ANO9: variants seen among roughly 807,000 people sequenced by gnomAD.
The protein encoded by ANO9 is anoctamin 9, also known as anoctamin-9.
ANO9 carries 80 observed loss-of-function variants against 100.5 expected under a neutral mutation model. The ratio of observed to expected loss-of-function variants is 0.80; its 90% confidence interval spans 0.66 to 0.96. The LOEUF (loss-of-function observed/expected upper bound fraction) is 0.96. ANO9 is among the 40% of genes least tolerant of loss of function. ANO9 has a pLI of 0.00. For missense variants in ANO9, 1,064 were observed against 1,072.7 expected (o/e 0.99, Z 0.11); for synonymous variants, 473 against 435.6 (o/e 1.09, Z -1.07).
chr11:422,472 G>A lies in ANO9; in HGVS notation c.1335-1274C>T, dbSNP rs1590422147. Reference sequence around the variant, plus strand: ...CTGGGTTTTTCTGGTGTAATCACAAGGGTCCCTCTGTGGGGACAGGGAGCA... The same window carrying A: ...CTGGGTTTTTCTGGTGTAATCACAAAGGTCCCTCTGTGGGGACAGGGAGCA... On this transcript the variant is annotated intron_variant, in intron 15 of 22. Coordinates refer to ENST00000332826, the MANE Select transcript of ANO9 (RefSeq NM_001012302.3). The surrounding 1 kb of genome is among the most constrained non-coding windows in gnomAD (Gnocchi z 4.3). 6.6e-6 allele frequency among the ~76,000 whole-genome samples: 1 copy of A among 152,326 alleles called. No homozygotes were observed. Among genetic ancestry groups the A allele is most frequent in the Admixed American group, 6.5e-5 (1 of 15,300 alleles).
In ANO9 at chr11:428,202, G is replaced by A; in HGVS notation, c.1223-3C>T. The A allele has an allele frequency of 6.2e-7, 1 of 1,612,088 alleles. No individual in the cohort carries two copies. The highest frequency in any genetic ancestry group is 8.5e-7 in the Non-Finnish European group (1 of 1,179,606). On this transcript the variant is annotated splice_polypyrimidine_tract_variant and splice_region_variant and intron_variant, in intron 14 of 22. Coordinates refer to ENST00000332826, the MANE Select transcript of ANO9 (RefSeq NM_001012302.3). ...CTCCGAGAAGGTCCTGGGCATCTCT[G>A]GAATGGGACCGGCCCTCACCTCTCT...
intron 17 of ANO9, 24 bp from the exon 18 acceptor site, chr11:420,884 G>A (rs1590413683): frequency 6.3e-7 from 1 of 1,589,872 alleles, no homozygotes; most frequent in Non-Finnish European, 8.5e-7. Context: ...TGCGTGGCAG[G>A]GAGGGCGCAG....
Position 429,620 on chromosome 11 carries a change from G to T in ANO9, c.865C>A (p.Arg289Ser). The T allele has an allele frequency of 6.2e-7, 1 of 1,612,544 alleles. No homozygotes were observed. The highest frequency in any genetic ancestry group is 2.2e-5 in the East Asian group (1 of 44,870). ...TVFLEIWKRQRARVVLHWDLY... is the reference protein window; with the variant it reads ...TVFLEIWKRQSARVVLHWDLY... ...TCCCAGTGCAGGACCACGCGGGCGCGCTGCCGCTTCCAGATCTCCAGGAAC... is the reference window on the plus strand; with the variant it reads ...TCCCAGTGCAGGACCACGCGGGCGCTCTGCCGCTTCCAGATCTCCAGGAAC... Residue 289 changes from arginine to serine, a missense_variant, in exon 11 of 23, where the codon CGC becomes AGC. Transcript: ENST00000332826.
Position 431,974 on chromosome 11 carries a change from G to C in ANO9, c.406+25C>G, listed in dbSNP as rs1279192819. 3 of 1,612,836 alleles carry C rather than the reference G, an allele frequency of 1.9e-6. No homozygotes were observed. The East Asian group carries it at 6.7e-5, about 36-fold the overall frequency. On this transcript the variant is annotated intron_variant, in intron 5 of 22. Transcript: ENST00000332826. The stretch of plus-strand genomic sequence containing the variant: ...GGAGAACCCTGCCCGCAGCGCCCCT[G>C]TCAGTGCCCCACCCCTGCCCTTACC...
chr11:422,467 C>T lies in ANO9; in HGVS notation c.1335-1269G>A, dbSNP rs1474894181. Among the ~76,000 whole-genome samples, 1 of 152,180 alleles carries T rather than the reference C, an allele frequency of 6.6e-6. No individual in the cohort carries two copies. Among genetic ancestry groups the T allele is most frequent in the Non-Finnish European group, 1.5e-5 (1 of 68,036 alleles). ...GTTATCTGGGTTTTTCTGGTGTAAT[C>T]ACAAGGGTCCCTCTGTGGGGACAGG... On this transcript the variant is annotated intron_variant, in intron 15 of 22. Transcript: ENST00000332826. The surrounding 1 kb of genome is among the most constrained non-coding windows in gnomAD (Gnocchi z 4.3).
Position 421,956 on chromosome 11 carries a change from GA to G in ANO9, c.1335-759del, listed in dbSNP as rs577634471. ...AGTATAAATAGTATACATTTGCAAA[GA>G]AAAAAATGACTCTTTTAGAAAACAT... On this transcript the variant is annotated intron_variant, in intron 15 of 22. Coordinates refer to ENST00000332826, the MANE Select transcript of ANO9 (RefSeq NM_001012302.3). This position sits in a 1 kb window ranked among gnomAD's most constrained non-coding sequence, Gnocchi z 6.8. Among the ~76,000 whole-genome samples the G allele has an allele frequency of 8.1e-3, 1,228 of 152,122 alleles. 7 individuals carry two copies. Among genetic ancestry groups the G allele is most frequent in the Middle Eastern group, 0.02 (6 of 294 alleles).
rs762913855 is a variant in ANO9, at chr11:433,367, C to A, written c.297G>T (p.Gly99=). Residue 99 remains glycine, a synonymous_variant, in exon 4 of 23, where the codon GGG becomes GGT. Coordinates refer to ENST00000332826, the MANE Select transcript of ANO9 (RefSeq NM_001012302.3). ...CGGCCAGCTCGGCGTGGGGGGCAGG[C>A]CCCTCAGGCTCCAGGAGGAGAGTGC... ...LYRTLLLEPE[G]PAPHAELAAP... 2.5e-6 allele frequency: 4 copies of A among 1,613,082 alleles called. No homozygotes were observed. Among genetic ancestry groups the A allele is most frequent in the East Asian group, 2.2e-5 (1 of 44,882 alleles).
intron 1 of ANO9, among the ~76,000 whole-genome samples, chr11:439,022 C>G (rs1845619528): frequency 1.3e-5 from 2 of 152,182 alleles, no homozygotes; most frequent in African/African-American, 4.8e-5. Context: ...CGGCCAGGCC[C>G]TAGCTCTGAC....
In ANO9 at chr11:433,398, AGGCCAAAG is replaced by A. The variant is rs754778498; in HGVS notation, c.258_265del (p.Phe87ValfsTer9). ...AGGCTCCAGGAGGAGAGTGCGGTAC[AGGCCAAAG>A]ACACTGTTGTCAGCACGGATCCCAA... On this transcript the variant is annotated frameshift_variant, in exon 4 of 23. Transcript: ENST00000332826. LOFTEE classifies it high-confidence loss of function. 8.1e-6 allele frequency: 13 copies of A among 1,613,218 alleles called. No individual in the cohort carries two copies. The East Asian group carries it at 2.7e-4, about 33-fold the overall frequency.
intron 15 of ANO9, among the ~76,000 whole-genome samples, chr11:426,035 C>T (rs1317217489): frequency 3.3e-5 from 5 of 152,174 alleles, no homozygotes; most frequent in Non-Finnish European, 7.4e-5. Flanking sequence ...CCCAGCCCCT[C>T]ACCAGTAGTT....
At chr11:433,736 C>T in intron 3 of ANO9, 79 bp downstream of exon 3, 1 of 1,497,960 alleles carries the variant, frequency 6.7e-7, no homozygotes, top group East Asian at 2.5e-5. Flanking sequence ...TGGGCACCCG[C>T]CCCAGCCCCA....
At position 418,286 on chromosome 11, in the gene ANO9, C is replaced by T. The variant is rs1270784758; in HGVS notation, c.*85G>A. The T allele has an allele frequency of 1.5e-6, 2 of 1,358,992 alleles. No homozygotes were observed. Among genetic ancestry groups the T allele is most frequent in the African/African-American group, 1.5e-5 (1 of 68,250 alleles). 84.2% of individuals were successfully genotyped at this position (1,358,992 alleles called of 1,614,324 possible). ...TGGGCACAGCCTTCTCACAGCACCC[C>T]TCAACACGCACAGCGGTGGGCTTGT... On this transcript the variant is annotated 3_prime_UTR_variant, in exon 23 of 23. Coordinates refer to ENST00000332826, the MANE Select transcript of ANO9 (RefSeq NM_001012302.3).
chr11:425,275 A>ACC (rs374702050), intron 15 of ANO9, among the ~76,000 whole-genome samples: 1,802 of 8,618 alleles, frequency 0.21, 349 homozygotes, highest in East Asian at 0.98. Context: ...GGCGGCGTGG[A>ACC]GAGACGGGAC....
Position 418,359 on chromosome 11 carries a change from C to T in ANO9, c.*12G>A, listed in dbSNP as rs548562776. The T allele has an allele frequency of 1.2e-5, 19 of 1,584,032 alleles. No homozygotes were observed. The highest frequency in any genetic ancestry group is 1.9e-4 in the Middle Eastern group (1 of 5,246). Reference sequence around the variant, plus strand: ...GTCTCAGCTCCTGGTGGCCTCTGGACGGGCTCTGGCCCTACACGTCTGTGC... The same window carrying T: ...GTCTCAGCTCCTGGTGGCCTCTGGATGGGCTCTGGCCCTACACGTCTGTGC... On this transcript the variant is annotated 3_prime_UTR_variant, in exon 23 of 23. Coordinates refer to ENST00000332826, the MANE Select transcript of ANO9 (RefSeq NM_001012302.3).
rs764715615 is a variant in ANO9 at position 430,253 on chromosome 11, C to T, written c.674+16G>A. On this transcript the variant is annotated intron_variant, in intron 8 of 22. Transcript: ENST00000332826. ...CCCACCCCGGCCCCCCATGCCCGGC[C>T]CCTGCTGCGGCCCACCTGATCTGGC... 2 of 1,556,286 alleles carry T rather than the reference C, an allele frequency of 1.3e-6. No individual in the cohort carries two copies. Among genetic ancestry groups the T allele is most frequent in the South Asian group, 1.2e-5 (1 of 84,572 alleles).
At chr11:420,004 A>C in intron 19 of ANO9, 1 of 1,349,042 alleles carries the variant, frequency 7.4e-7, no homozygotes, top group Non-Finnish European at 9.5e-7. Context: ...CAGCCACTCC[A>C]CCTCCTGGGT....
intron 9 of ANO9, 77 bp from the exon 10 acceptor site, chr11:429,895 G>C: frequency 8.7e-7 from 1 of 1,146,534 alleles, no homozygotes. Context: ...GAGGGAGGCA[G>C]GAAAGCCGGG....
rs1198352551 is a variant in ANO9, at chr11:428,577, G to T, written c.1083C>A (p.Leu361=). Residue 361 remains leucine, a synonymous_variant, in exon 13 of 23, where the codon CTC becomes CTA. Transcript: ENST00000332826. The part of the protein sequence containing the change: ...LVVYRVLASA[L]FSSSAVPFLE... Reference sequence around the variant, plus strand: ...GGAAGGGCACGGCCGAGCTGCTGAAGAGCGCGGAGGCCAGGACGCGGTAGA... The same window carrying T: ...GGAAGGGCACGGCCGAGCTGCTGAATAGCGCGGAGGCCAGGACGCGGTAGA... 2 of 1,612,548 alleles carry T rather than the reference G, an allele frequency of 1.2e-6. No individual in the cohort carries two copies. The highest frequency in any genetic ancestry group is 1.7e-6 in the Non-Finnish European group (2 of 1,179,918).
In ANO9 at chr11:418,079, G is replaced by A. The variant is rs75767088; in HGVS notation, c.*292C>T. 8.2e-3 allele frequency: 3,188 copies of A among 387,828 alleles called. 103 individuals carry two copies. Among genetic ancestry groups the A allele is most frequent in the African/African-American group, 0.059 (2,874 of 48,630 alleles). 24.0% of individuals were successfully genotyped at this position (387,828 alleles called of 1,614,324 possible). A position where few individuals can be genotyped will look rare whatever the true frequency, so the allele number is the denominator to read the frequency against. On this transcript the variant is annotated 3_prime_UTR_variant, in exon 23 of 23. Coordinates refer to ENST00000332826, the MANE Select transcript of ANO9 (RefSeq NM_001012302.3). ...TCAGAGGGAGGCCCAGGAAATTTGC[G>A]CCAGTTTTCCTGCCTTGTGGCTGCC... is the stretch of plus-strand genomic sequence containing the variant.
Sources: allele counts gnomAD v4.1 joint callset (sites outside exome capture counted in the v4.1 genomes callset), GRCh38; gene constraint gnomAD v4.1.1; non-coding constraint Gnocchi (gnomAD v3.1); transcripts MANE v1.5; gene names NCBI Gene and HGNC (gene_info 2026-07-23, HGNC 2026-07-21).